Variants in TTC23 observed in about 807,000 individuals in gnomAD.
The protein encoded by TTC23 is tetratricopeptide repeat protein 23.
Under a neutral mutation model 55.1 loss-of-function variants are expected in TTC23, and 58 were observed. That is an observed-to-expected ratio of 1.05 (90% confidence interval 0.85 to 1.31). The LOEUF is 1.31. TTC23 is among the 50% of genes most tolerant of loss of function. The probability of loss-of-function intolerance (pLI) is 0.00; values close to 1 mark genes in which losing one functional copy is unlikely to be tolerated. For missense variants in TTC23, 516 were observed against 534.4 expected, an observed-to-expected ratio of 0.97 and a Z score of 0.34; for synonymous variants, 203 against 199.9, an observed-to-expected ratio of 1.02 and a Z score of -0.13.
intron 11 of TTC23, 148 bp downstream of exon 11, chr15:99,161,592 G>A (rs2071384960): frequency 2.5e-6 from 2 of 803,504 alleles, no homozygotes; most frequent in Admixed American, 7.0e-5. Context: ...CTGCCCCAAA[G>A]GAGCCCTAGC....
chr15:99,179,096 G>C (rs1203714040), intron 9 of TTC23, among the ~76,000 whole-genome samples: 1 of 152,186 alleles, frequency 6.6e-6, no homozygotes, highest in East Asian at 1.9e-4. Context: ...GGGCTGAGAA[G>C]GATGCACAGT....
intron 5 of TTC23, among the ~76,000 whole-genome samples, chr15:99,223,421 TG>T (rs2078115857): frequency 6.6e-6 from 1 of 152,190 alleles, no homozygotes; most frequent in Non-Finnish European, 1.5e-5. Context: ...GGGATGGGCA[TG>T]CATATGGAGA....
chr15:99,173,218 T>TCAAA (rs1451816956), intron 10 of TTC23, among the ~76,000 whole-genome samples: 1 of 152,220 alleles, frequency 6.6e-6, no homozygotes. Flanking sequence ...GCTTTCCAGG[T>TCAAA]CAAAAGTCAC....
chr15:99,191,868 T>C (rs1244301076), intron 9 of TTC23, among the ~76,000 whole-genome samples: 6 of 152,216 alleles, frequency 3.9e-5, no homozygotes, highest in African/African-American at 1.4e-4. Flanking sequence ...TGGAACTTCC[T>C]AGATACTTGT....
chr15:99,155,881 G>C, intron 12 of TTC23: 1 of 518,696 alleles, frequency 1.9e-6, no homozygotes, highest in Non-Finnish European at 3.4e-6. Context: ...CAAACATAAA[G>C]GACTGATCAA....
At chr15:99,139,052 G>T (rs1228049058) in intron 13 of TTC23, 3 of 499,640 alleles carry the variant, frequency 6.0e-6, no homozygotes, top group Non-Finnish European at 1.1e-5. Context: ...CCTGCAGCAG[G>T]TGCCTTAGCC....
chr15:99,201,446 T>C (rs2076190200), intron 8 of TTC23, among the ~76,000 whole-genome samples: 2 of 152,180 alleles, frequency 1.3e-5, no homozygotes, highest in Non-Finnish European at 2.9e-5. Context: ...ATTCCCAAAC[T>C]GCCCAAGAGA....
At chr15:99,162,860 G>A (rs1360495118) in intron 10 of TTC23, among the ~76,000 whole-genome samples, 1 of 152,014 alleles carries the variant, frequency 6.6e-6, no homozygotes, top group African/African-American at 2.4e-5. Flanking sequence ...TGGGAGGATC[G>A]CTTGAGCCTG....
intron 8 of TTC23, among the ~76,000 whole-genome samples, chr15:99,213,113 A>G (rs1437703904): frequency 6.6e-6 from 1 of 152,198 alleles, no homozygotes; most frequent in Admixed American, 6.5e-5. Context: ...TACCTACAGA[A>G]GTGCATAAAT....
chr15:99,192,831 G>A (rs1045224634), intron 9 of TTC23, among the ~76,000 whole-genome samples: 4 of 152,168 alleles, frequency 2.6e-5, no homozygotes, highest in Admixed American at 6.5e-5. Context: ...GACACTCATC[G>A]TCAATGTGTG....
intron 9 of TTC23, among the ~76,000 whole-genome samples, chr15:99,191,341 C>CAAAGAT (rs1473135936): frequency 9.9e-5 from 15 of 152,222 alleles, no homozygotes; most frequent in African/African-American, 3.6e-4. Context: ...CTAAACCAAA[C>CAAAGAT]TCAGATCTTT....
intron 5 of TTC23, among the ~76,000 whole-genome samples, chr15:99,226,719 C>T (rs74387592): frequency 0.017 from 2,533 of 152,192 alleles, 54 homozygotes; most frequent in East Asian, 0.058. Context: ...CCTGGAACTC[C>T]TTTCCCTCAG....
chr15:99,178,511 G>A (rs2073820879), intron 9 of TTC23, among the ~76,000 whole-genome samples: 1 of 152,164 alleles, frequency 6.6e-6, no homozygotes, highest in African/African-American at 2.4e-5. Context: ...ATTTTTAAAT[G>A]CTTTCTACAT....
chr15:99,177,298 G>A (rs1291645266), intron 9 of TTC23, among the ~76,000 whole-genome samples: 1 of 152,172 alleles, frequency 6.6e-6, no homozygotes, highest in Admixed American at 6.5e-5. Context: ...GCTTTAAAAT[G>A]ACTTTTCTTA....
chr15:99,246,111 G>A (rs2080221056), intron 1 of TTC23, among the ~76,000 whole-genome samples: 1 of 152,000 alleles, frequency 6.6e-6, no homozygotes. Flanking sequence ...GGCCCAGCCT[G>A]TTAGGCAAAG....
At chr15:99,150,986 T>C (rs1379143336) in intron 12 of TTC23, among the ~76,000 whole-genome samples, 3 of 152,214 alleles carry the variant, frequency 2.0e-5, no homozygotes, top group Admixed American at 6.5e-5. Flanking sequence ...CTATACTGTT[T>C]TTTTTTCAGG....
At chr15:99,144,326 T>C (rs1478352939) in intron 12 of TTC23, 1 of 152,152 alleles carries the variant, frequency 6.6e-6, no homozygotes, top group South Asian at 2.1e-4. Context: ...GTGGCAGCTA[T>C]GGGATCAGGG....
At chr15:99,236,291 G>A (rs1178583342) in intron 3 of TTC23, among the ~76,000 whole-genome samples, 6 of 151,998 alleles carry the variant, frequency 3.9e-5, no homozygotes, top group East Asian at 1.9e-4. Flanking sequence ...CCACATTCCC[G>A]ACAAAACTTA....
chr15:99,232,531 C>G (rs1026192746), intron 4 of TTC23, among the ~76,000 whole-genome samples: 1 of 150,252 alleles, frequency 6.7e-6, no homozygotes, highest in Non-Finnish European at 1.5e-5. Flanking sequence ...AAAAGATATA[C>G]AAATGCCCAA....
Sources: gnomAD v4.1 joint callset for allele counts (sites outside exome capture counted in the v4.1 genomes callset) on GRCh38, gnomAD v4.1.1 for gene constraint, MANE v1.5 for transcripts, NCBI Gene and HGNC (gene_info 2026-07-23, HGNC 2026-07-21) for gene names.